Variants in TRRAP observed in about 807,000 individuals in gnomAD.
TRRAP encodes the protein transformation/transcription domain-associated protein.
A neutral mutation model predicts 438.8 loss-of-function variants in TRRAP; 41 were observed. The ratio of observed to expected loss-of-function variants is 0.09; its 90% CI spans 0.07 to 0.12. The LOEUF is 0.12. Ranked by LOEUF, TRRAP falls within the 10% of genes least tolerant of loss-of-function variation. The pLI is 1.00. For synonymous variants in TRRAP, 1,994 were observed against 1,962.9 expected, an observed-to-expected ratio of 1.02 and a Z score of -0.42; for missense variants, 3,122 against 5,055.1, an observed-to-expected ratio of 0.62 and a Z score of 11.60.
At chr7:98,964,831 C>A in intron 48 of TRRAP, 56 bp downstream of exon 48, 1 of 1,552,586 alleles carries the variant, frequency 6.4e-7, no homozygotes, top group South Asian at 1.2e-5. Flanking sequence ...AGAGAACAGA[C>A]TCTGTTGTGC....
intron 40 of TRRAP, 24 bp downstream of exon 40, chr7:98,953,457 C>T (rs117125958): frequency 6.9e-6 from 11 of 1,601,314 alleles, no homozygotes; most frequent in Middle Eastern, 1.7e-4. Flanking sequence ...CCCTCCTGTC[C>T]GCCGACATCA....
At chr7:98,905,346 C>T (rs1318699420) in intron 12 of TRRAP, among the ~76,000 whole-genome samples, 1 of 152,180 alleles carries the variant, frequency 6.6e-6, no homozygotes, top group Non-Finnish European at 1.5e-5. Context: ...ATGCCTTTGA[C>T]CCTCAATAGC....
rs1368868819 is a variant in TRRAP, at chr7:98,917,431, A to G, written c.2374A>G (p.Met792Val). ...TGCACCCCCTTCCCTAGGGCTGAAC[A>G]TGCTTCAGAGTGGCCTGCACAAGCA... is the stretch of plus-strand genomic sequence containing the variant. ...LLPNLLQGLN[M>V]LQSGLHKQHM... Residue 792 changes from methionine (M) to valine (V), a missense_variant, in exon 20 of 73, where the codon ATG (methionine) becomes GTG (valine). By Grantham distance (21) the Met-to-Val change is conservative (BLOSUM62 1). Transcript: ENST00000456197. The G allele has an allele frequency of 6.2e-7, 1 of 1,614,068 alleles. No homozygotes were observed.
chr7:98,905,711 A>C (rs987462297), intron 12 of TRRAP, among the ~76,000 whole-genome samples: 4 of 152,224 alleles, frequency 2.6e-5, no homozygotes, highest in African/African-American at 2.4e-5. Context: ...GCCTGTGAGA[A>C]CATTGTAAAA....
At chr7:98,969,172 T>G (rs1200902632) in intron 51 of TRRAP, among the ~76,000 whole-genome samples, 1 of 152,246 alleles carries the variant, frequency 6.6e-6, no homozygotes, top group Admixed American at 6.5e-5. Context: ...AAAATTATTC[T>G]TAATAAAGCA....
rs942029599 is a variant in TRRAP at position 98,978,995 on chromosome 7, A to G, written c.8634+91A>G. On this transcript the variant is annotated intron_variant, in intron 58 of 72. Coordinates refer to ENST00000456197, the MANE Select transcript of TRRAP (RefSeq NM_001375524.1). ...TTGGGAGATTTCCCTTAGAACAAGC[A>G]TTTTGGCAGTGGAAAGACAGCTTTT... 8 of 1,535,606 alleles carry G rather than the reference A, an allele frequency of 5.2e-6. No homozygotes were observed. In the African/African-American group the frequency reaches 1.1e-4, roughly 21 times the overall value.
chr7:98,912,290 G>A, intron 18 of TRRAP, 77 bp downstream of exon 18: 3 of 1,486,928 alleles, frequency 2.0e-6, no homozygotes. Flanking sequence ...TCACGGTGGT[G>A]TCCAGGCTGG....
Position 98,959,936 on chromosome 7 carries a change from TA to T in TRRAP, c.6489+464del, listed in dbSNP as rs780800568. Among the ~76,000 whole-genome samples, 686 of 112,658 alleles carry T rather than the reference TA, an allele frequency of 6.1e-3. 2 individuals are homozygous for T. The highest frequency in any genetic ancestry group is 0.013 in the African/African-American group (349 of 26,092). 73.9% of individuals were successfully genotyped at this position (112,658 alleles called of 152,430 possible). On this transcript the variant is annotated intron_variant, in intron 45 of 72. Transcript: ENST00000456197. ...ACAGAGCAAGCAAGACCTGGTCTCT[TA>T]AAAAAAAAAAAAAAAAAGAAAAAGA...
intron 53 of TRRAP, among the ~76,000 whole-genome samples, chr7:98,973,200 G>T (rs778963233): frequency 3.3e-5 from 5 of 152,108 alleles, no homozygotes; most frequent in Non-Finnish European, 2.9e-5. Flanking sequence ...GGCTGATCTT[G>T]AACTCCTGAC....
At chr7:98,939,212 T>G (rs1039025397) in intron 30 of TRRAP, among the ~76,000 whole-genome samples, 3 of 152,228 alleles carry the variant, frequency 2.0e-5, no homozygotes, top group Non-Finnish European at 2.9e-5. Flanking sequence ...CTGGAGCTAC[T>G]TTTTTATTTT....
intron 67 of TRRAP, chr7:98,999,563 G>A (rs377314429): frequency 2.7e-6 from 2 of 733,278 alleles, no homozygotes; most frequent in Non-Finnish European, 2.5e-6. Context: ...CAGGCAGACA[G>A]GATCCCACTG....
chr7:98,958,682 A>G (rs544722156), intron 44 of TRRAP, among the ~76,000 whole-genome samples: 6 of 152,146 alleles, frequency 3.9e-5, no homozygotes, highest in South Asian at 4.1e-4. Context: ...GCATGTTAAC[A>G]TTGGTGGATT....
At chr7:98,969,401 G>A (rs1301114682) in intron 51 of TRRAP, among the ~76,000 whole-genome samples, 1 of 152,130 alleles carries the variant, frequency 6.6e-6, no homozygotes, top group Non-Finnish European at 1.5e-5. Context: ...TTTTAATTCT[G>A]TCAGTCCACC....
At chr7:98,961,213 C>T (rs1196179385) in intron 45 of TRRAP, 48 bp from the exon 46 acceptor site, 2 of 1,583,142 alleles carry the variant, frequency 1.3e-6, no homozygotes, top group Non-Finnish European at 1.7e-6. Context: ...AATTTGTTGT[C>T]ATTGAGTGTT....
In TRRAP at chr7:98,910,073, C is replaced by G; in HGVS notation, c.1368C>G (p.Phe456Leu). 1 of 1,540,562 alleles carries G rather than the reference C, an allele frequency of 6.5e-7. No homozygotes were observed. Among genetic ancestry groups the G allele is most frequent in the East Asian group, 2.3e-5 (1 of 44,218 alleles). Residue 456 changes from phenylalanine (F) to leucine (L), a missense_variant, in exon 15 of 73, where the codon TTC (phenylalanine) becomes TTG (leucine). Phe to Leu is a conservative substitution (Grantham distance 22, BLOSUM62 0). Around this residue, in one of 24 missense-constraint regions of TRRAP, gnomAD observed 115 missense variants for 124.6 expected, o/e 0.92. Coordinates refer to ENST00000456197, the MANE Select transcript of TRRAP (RefSeq NM_001375524.1). ...CCCGTTAGGTTTTCGTTCTCAAATT[C>G]CACACAATTGCTCGGTACCAGCTCT... ...MRMLEVFVLK[F>L]HTIARYQLSA...
chr7:98,988,216 T>C (rs1793236684), intron 62 of TRRAP, among the ~76,000 whole-genome samples: 1 of 152,222 alleles, frequency 6.6e-6, no homozygotes, highest in Non-Finnish European at 1.5e-5. Context: ...GGAAACAGTT[T>C]GACGGTTCCA....
intron 67 of TRRAP, among the ~76,000 whole-genome samples, chr7:99,001,231 G>A (rs376337133): frequency 1.3e-5 from 2 of 152,340 alleles, no homozygotes; most frequent in East Asian, 1.9e-4. Flanking sequence ...TGATGTGTGG[G>A]TTGGGCTTGC....
chr7:98,993,435 C>T (rs911165238), intron 65 of TRRAP, 103 bp from the exon 66 acceptor site: 43 of 1,266,662 alleles, frequency 3.4e-5, no homozygotes, highest in South Asian at 5.5e-5. Context: ...ATTCACACGC[C>T]GGCAGGAACC....
intron 1 of TRRAP, among the ~76,000 whole-genome samples, chr7:98,879,586 C>T (rs578160243): frequency 6.6e-6 from 1 of 152,184 alleles, no homozygotes; most frequent in African/African-American, 2.4e-5. Flanking sequence ...AGGGAGAGTC[C>T]GTGACCCCCA....
Sources: gnomAD v4.1 joint callset for allele counts (sites outside exome capture counted in the v4.1 genomes callset) on GRCh38, gnomAD v4.1.1 for gene constraint, gnomAD v4.1.1 regional missense constraint, MANE v1.5 for transcripts, NCBI Gene and HGNC (gene_info 2026-07-23, HGNC 2026-07-21) for gene names.